The following GPSM1 variants were observed in gnomAD, a reference collection of about 807,000 sequenced individuals.
The protein encoded by GPSM1 is G protein signaling modulator 1.
In GPSM1, 48 loss-of-function variants were observed where a neutral mutation model predicts 70.5. The observed-to-expected ratio is 0.68, with a 90% CI of 0.54 to 0.87. The LOEUF (loss-of-function observed/expected upper bound fraction) is 0.87. Among genes scored for constraint, GPSM1 ranks in the 40% least tolerant of loss-of-function variants. The pLI is 0.00. For missense variants in GPSM1, 981 were observed against 972.6 expected (o/e 1.01, Z -0.11); for synonymous variants, 416 against 430.1 (o/e 0.97, Z 0.41).
rs540006970 is a variant in GPSM1, at chr9:136,327,591, AGGCGGACAGCAG to A, written c.-90_-79del. 2,356 of 215,490 alleles carry A rather than the reference AGGCGGACAGCAG, an allele frequency of 0.011. 60 individuals are homozygous for A. The highest frequency in any genetic ancestry group is 0.052 in the African/African-American group (2,204 of 42,558). 13.3% of individuals were successfully genotyped at this position (215,490 alleles called of 1,614,324 possible). On this transcript the variant is annotated 5_prime_UTR_variant, in exon 1 of 14. Transcript: ENST00000440944. ...ACGGGCGAACGAGGCGCGGACGGACAGGCGGACAGCAGGGCGGACAGCAGGGAGGACAGCAGG... is the reference window on the plus strand; with the variant it reads ...ACGGGCGAACGAGGCGCGGACGGACAGGCGGACAGCAGGGAGGACAGCAGG...
rs530936930 is a variant in GPSM1, at chr9:136,350,398, A to C, written c.1455+635A>C. On this transcript the variant is annotated intron_variant, in intron 11 of 13. Transcript: ENST00000440944. ...ACACCTGGCGGGGGTCCCTGAGCAGAGGGGCCTGAGGGGCACCCAAGGGGT... is the reference window on the plus strand; with the variant it reads ...ACACCTGGCGGGGGTCCCTGAGCAGCGGGGCCTGAGGGGCACCCAAGGGGT... 3.9e-5 allele frequency among the ~76,000 whole-genome samples: 6 copies of C among 152,232 alleles called. No homozygotes were observed. The South Asian group carries it at 1.0e-3, about 26-fold the overall frequency.
chr9:136,355,706 C>A lies in GPSM1; in HGVS notation c.1472C>A (p.Pro491Gln). Residue 491 changes from proline (P) to glutamine (Q), a missense_variant, in exon 12 of 14, where the codon CCG becomes CAG. Pro to Gln is a moderately conservative substitution (Grantham distance 76). Coordinates refer to ENST00000440944, the MANE Select transcript of GPSM1 (RefSeq NM_001145638.3). The part of the protein sequence containing the change: ...HVPRTSIPRA[P>Q]SSDEECFFDL... ...CCTCCCCAGAGCATCCCGAGGGCCC[C>A]GTCTTCGGACGAGGAGTGCTTCTTT... 6.2e-7 allele frequency: 1 copy of A among 1,612,208 alleles called. No individual in the cohort carries two copies. Among genetic ancestry groups the A allele is most frequent in the Non-Finnish European group, 8.5e-7 (1 of 1,179,450 alleles).
At chr9:136,349,446 G>T in intron 10 of GPSM1, 141 bp from the exon 11 acceptor site, 1 of 759,650 alleles carries the variant, frequency 1.3e-6, no homozygotes, top group Non-Finnish European at 2.1e-6. Context: ...CACAGCCCCA[G>T]TCCTCTCCTC....
At chr9:136,344,714 A>AT (rs35430025) in intron 9 of GPSM1, among the ~76,000 whole-genome samples, 34,444 of 152,180 alleles carry the variant, frequency 0.23, 4,169 homozygotes, top group Admixed American at 0.26. Flanking sequence ...CTGGGCAGAG[A>AT]TAACAGCCTG....
At chr9:136,352,110 A>G (rs376650841) in intron 11 of GPSM1, among the ~76,000 whole-genome samples, 7,429 of 128,936 alleles carry the variant, frequency 0.058, 1,019 homozygotes, top group East Asian at 0.075. Context: ...TGGTGACACC[A>G]ATGCTGCGCC....
chr9:136,338,587 A>G lies in GPSM1; in HGVS notation c.851A>G (p.Asp284Gly). ...CTGCAACTGTCTCGGCAGCTCAGGG[A>G]CCAGGCAGTGGAGGCGCAGGCCTGC... ...KTLQLSRQLR[D>G]QAVEAQACYS... The change falls in exon 7 of 14, where the codon GAC becomes GGC. Residue 284 changes from aspartate to glycine, a missense_variant. Transcript: ENST00000440944. 1 of 1,611,514 alleles carries G rather than the reference A, an allele frequency of 6.2e-7. No homozygotes were observed. The highest frequency in any genetic ancestry group is 1.7e-5 in the Admixed American group (1 of 59,928).
At position 136,340,472 on chromosome 9, in the gene GPSM1, G is replaced by A. The variant is rs1387148067; in HGVS notation, c.1084-398G>A. 6.6e-6 allele frequency among the ~76,000 whole-genome samples: 1 copy of A among 151,916 alleles called. No individual in the cohort carries two copies. Among genetic ancestry groups the A allele is most frequent in the African/African-American group, 2.4e-5 (1 of 41,382 alleles). On this transcript the variant is annotated intron_variant, in intron 8 of 13. Coordinates refer to ENST00000440944, the MANE Select transcript of GPSM1 (RefSeq NM_001145638.3). This position sits in a 1 kb window ranked among gnomAD's most constrained non-coding sequence, Gnocchi z 7.3. The stretch of plus-strand genomic sequence containing the variant: ...GCCACCTCTCTTCTGCTTGACTTAA[G>A]CAAACAGTTAGTTCCTGAGTGATGT...
Position 136,343,267 on chromosome 9 carries a change from A to C in GPSM1, c.1207+2274A>C. On this transcript the variant is annotated intron_variant, in intron 9 of 13. Coordinates refer to ENST00000440944, the MANE Select transcript of GPSM1 (RefSeq NM_001145638.3). The surrounding 1 kb of genome is among the most constrained non-coding windows in gnomAD (Gnocchi z 6.0). Reference sequence around the variant, plus strand: ...CTTGCTCCTGGGCTGCCCACCCCCCACCCCAGCAAGGGTGCCAGGCAGGAC... The same window carrying C: ...CTTGCTCCTGGGCTGCCCACCCCCCCCCCCAGCAAGGGTGCCAGGCAGGAC... Among the ~76,000 whole-genome samples the C allele has an allele frequency of 1.4e-5, 2 of 143,432 alleles. No individual in the cohort carries two copies. The highest frequency in any genetic ancestry group is 5.1e-5 in the African/African-American group (2 of 38,990). 94.1% of individuals were successfully genotyped at this position (143,432 alleles called of 152,430 possible).
chr9:136,339,436 A>G (rs1280044341), intron 7 of GPSM1, among the ~76,000 whole-genome samples: 7 of 152,410 alleles, frequency 4.6e-5, no homozygotes, highest in Non-Finnish European at 1.0e-4. Context: ...AGAGCCGGCC[A>G]CAGGCCAGGT....
intron 2 of GPSM1, 62 bp from the exon 3 acceptor site, chr9:136,335,904 C>G: frequency 1.9e-6 from 3 of 1,555,794 alleles, no homozygotes; most frequent in Non-Finnish European, 2.6e-6. Flanking sequence ...GCTCAGCCTC[C>G]CCCCGGGCCC....
chr9:136,340,886 G>A lies in GPSM1; in HGVS notation c.1100G>A (p.Gly367Glu), dbSNP rs1832371953. The change falls in exon 9 of 14, where the codon GGG becomes GAG. Residue 367 changes from glycine to glutamate, a missense_variant. Physicochemically the swap from Gly to Glu is moderately conservative, Grantham distance 98 (BLOSUM62 -2). Transcript: ENST00000440944. The surrounding 1 kb of genome is among the most constrained non-coding windows in gnomAD (Gnocchi z 7.3). The part of the protein sequence containing the change: ...QISQEIGDRH[G>E]ELTARMNVAQ... ...TCGCCGCAGATCGGGGACCGCCATGGGGAGCTCACGGCCCGCATGAACGTG... is the reference window on the plus strand; with the variant it reads ...TCGCCGCAGATCGGGGACCGCCATGAGGAGCTCACGGCCCGCATGAACGTG... The A allele has an allele frequency of 1.3e-6, 2 of 1,574,916 alleles. No homozygotes were observed. The highest frequency in any genetic ancestry group is 1.7e-6 in the Non-Finnish European group (2 of 1,162,278).
Position 136,341,100 on chromosome 9 carries a change from C to T in GPSM1, c.1207+107C>T. On this transcript the variant is annotated intron_variant, in intron 9 of 13. Coordinates refer to ENST00000440944, the MANE Select transcript of GPSM1 (RefSeq NM_001145638.3). This position sits in a 1 kb window ranked among gnomAD's most constrained non-coding sequence, Gnocchi z 6.7. ...CAGGCCAGCATGGCGGAGGTGGCAGCCGCCAGAAAATGGCGCCTACAAGCC... is the reference window on the plus strand; with the variant it reads ...CAGGCCAGCATGGCGGAGGTGGCAGTCGCCAGAAAATGGCGCCTACAAGCC... 1 of 1,550,096 alleles carries T rather than the reference C, an allele frequency of 6.5e-7. No homozygotes were observed. Among genetic ancestry groups the T allele is most frequent in the Non-Finnish European group, 8.7e-7 (1 of 1,146,878 alleles).
At chr9:136,348,508 C>CT (rs2131408262) in intron 9 of GPSM1, among the ~76,000 whole-genome samples, 189 bp from the exon 10 acceptor site, 1 of 152,338 alleles carries the variant, frequency 6.6e-6, no homozygotes, top group South Asian at 2.1e-4. Flanking sequence ...CACCTGTCCC[C>CT]TTTGACTCTG....
intron 1 of GPSM1, among the ~76,000 whole-genome samples, chr9:136,332,931 C>T (rs2131393157): frequency 6.6e-6 from 1 of 151,768 alleles, no homozygotes; most frequent in Middle Eastern, 3.4e-3. Context: ...ATGGCTTGAT[C>T]CTGGGAGATG....
Position 136,348,727 on chromosome 9 carries a change from G to A in GPSM1, c.1238G>A (p.Ser413Asn). The A allele has an allele frequency of 6.2e-7, 1 of 1,612,410 alleles. No individual in the cohort carries two copies. The highest frequency in any genetic ancestry group is 8.5e-7 in the Non-Finnish European group (1 of 1,179,648). Residue 413 changes from serine to asparagine, a missense_variant, in exon 10 of 14, where the codon AGC (serine) becomes AAC (asparagine). Ser to Asn is a conservative substitution (Grantham distance 46). Coordinates refer to ENST00000440944, the MANE Select transcript of GPSM1 (RefSeq NM_001145638.3). ...GARPKRTQRLSAETWDLLRLP... is the reference protein window; with the variant it reads ...GARPKRTQRLNAETWDLLRLP... Reference sequence around the variant, plus strand: ...AGACCCAAGAGGACGCAGAGGCTGAGCGCGGAGACCTGGGACCTGCTGAGA... The same window carrying A: ...AGACCCAAGAGGACGCAGAGGCTGAACGCGGAGACCTGGGACCTGCTGAGA...
At chr9:136,329,484 T>G (rs959568837) in intron 1 of GPSM1, among the ~76,000 whole-genome samples, 4 of 152,190 alleles carry the variant, frequency 2.6e-5, no homozygotes, top group Non-Finnish European at 5.9e-5. Context: ...TCCTGTCTCC[T>G]GAAACCCGAG....
intron 1 of GPSM1, among the ~76,000 whole-genome samples, chr9:136,330,645 G>A (rs1588687924): frequency 6.6e-6 from 1 of 152,212 alleles, no homozygotes; most frequent in South Asian, 2.1e-4. Context: ...AGCCAGCTGT[G>A]AGCAGAGTCT....
At chr9:136,338,749 C>A in intron 7 of GPSM1, 39 bp downstream of exon 7, 2 of 1,514,604 alleles carry the variant, frequency 1.3e-6, no homozygotes, top group Non-Finnish European at 1.8e-6. Context: ...CCCGGCCCGG[C>A]CCACAGGCTG....
At chr9:136,356,228 A>G (rs1832817654) in intron 12 of GPSM1, 114 bp from the exon 13 acceptor site, 1 of 825,704 alleles carries the variant, frequency 1.2e-6, no homozygotes, top group African/African-American at 1.7e-5. Context: ...CCATGGCCCC[A>G]GCAGCACAGT....
Sources: gnomAD v4.1 joint callset for allele counts (sites outside exome capture counted in the v4.1 genomes callset) on GRCh38, gnomAD v4.1.1 for gene constraint, Gnocchi (gnomAD v3.1) non-coding constraint, MANE v1.5 for transcripts, NCBI Gene and HGNC (gene_info 2026-07-23, HGNC 2026-07-21) for gene names.